DMGDH: variants seen among roughly 807,000 people sequenced by gnomAD.
The protein encoded by DMGDH is dimethylglycine dehydrogenase, mitochondrial.
In DMGDH, 76 loss-of-function variants were observed where a neutral mutation model predicts 95.2. The observed-to-expected ratio is 0.80, with a 90% CI of 0.66 to 0.97. The LOEUF (loss-of-function observed/expected upper bound fraction) is 0.97. Ranked by LOEUF, DMGDH falls within the 50% of genes least tolerant of loss-of-function variation. The pLI, the probability that DMGDH is intolerant of heterozygous loss-of-function variation, is 0.00. For missense variants in DMGDH, 987 were observed against 1,055.0 expected, an observed-to-expected ratio of 0.94 and a Z score of 0.89; for synonymous variants, 345 against 377.6, an observed-to-expected ratio of 0.91 and a Z score of 1.00.
In DMGDH at chr5:79,049,994, C is replaced by T. The variant is rs1283589047; in HGVS notation, c.745+1293G>A. 2.6e-5 allele frequency among the ~76,000 whole-genome samples: 4 copies of T among 151,906 alleles called. No homozygotes were observed. The South Asian group carries it at 6.2e-4, about 24-fold the overall frequency. On this transcript the variant is annotated intron_variant, in intron 5 of 15. Transcript: ENST00000255189. ...TCAATCGGCTGGACGCAGTGGCGCA[C>T]GCCTGTAATCCTAGCACTTTGGGAG...
chr5:79,023,420 G>A (rs543099974), intron 14 of DMGDH, among the ~76,000 whole-genome samples: 1 of 152,326 alleles, frequency 6.6e-6, no homozygotes, highest in Admixed American at 6.5e-5. Flanking sequence ...GGCTTGTACA[G>A]ATGAGCTTGG....
chr5:79,021,716 C>T (rs1753871415), intron 14 of DMGDH: 1 of 1,291,676 alleles, frequency 7.7e-7, no homozygotes, highest in Non-Finnish European at 1.0e-6. Flanking sequence ...ACAGCAAAAA[C>T]ATGTGGGGGA....
intron 14 of DMGDH, among the ~76,000 whole-genome samples, chr5:79,016,163 G>T (rs187466316): frequency 9.2e-5 from 14 of 151,742 alleles, no homozygotes; most frequent in African/African-American, 3.4e-4. Flanking sequence ...GCTTGAACCC[G>T]GGAGGCAGAA....
chr5:79,037,615 G>C (rs2112637439), intron 7 of DMGDH, among the ~76,000 whole-genome samples: 1 of 152,272 alleles, frequency 6.6e-6, no homozygotes, highest in Admixed American at 6.5e-5. Context: ...ATTAGCCAGA[G>C]CAATCAGGGG....
chr5:79,028,545 G>C lies in DMGDH; in HGVS notation c.1920C>G (p.Val640=), dbSNP rs764395535. Residue 640 remains valine (V), a synonymous_variant, in exon 12 of 16, where the codon GTC becomes GTG. Transcript: ENST00000255189. ...LGVAGPQARK[V]LQKLTSEDLS... is the part of the protein sequence containing the mutation. ...GATCTTCAGAGGTCAGTTTCTGAAG[G>C]ACCTTTCTTGCCTGTGGCCCAGCAA... 8.1e-6 allele frequency: 13 copies of C among 1,614,044 alleles called. No homozygotes were observed. The South Asian group carries it at 1.4e-4, about 18-fold the overall frequency.
At chr5:79,048,598 C>T (rs565841005) in intron 5 of DMGDH, among the ~76,000 whole-genome samples, 2 of 152,302 alleles carry the variant, frequency 1.3e-5, no homozygotes, top group East Asian at 3.9e-4. Context: ...ATGATGACTT[C>T]TGCAGATAGT....
intron 14 of DMGDH, chr5:79,021,755 C>A (rs1484610053): frequency 2.0e-5 from 25 of 1,257,484 alleles, no homozygotes; most frequent in Non-Finnish European, 2.1e-5. Context: ...GTAGTCCATA[C>A]AAACAATATA....
intron 14 of DMGDH, among the ~76,000 whole-genome samples, chr5:79,011,476 T>C (rs996846151): frequency 5.9e-5 from 9 of 152,232 alleles, no homozygotes; most frequent in African/African-American, 1.9e-4. Context: ...ATTATTAGTT[T>C]AGCAACTAAA....
At chr5:79,050,248 CAAAAA>C (rs57662602) in intron 5 of DMGDH, among the ~76,000 whole-genome samples, 49 of 78,596 alleles carry the variant, frequency 6.2e-4, no homozygotes, top group Middle Eastern at 7.8e-3. Flanking sequence ...AACTTTGTCT[CAAAAA>C]AAAAAAAAAA....
intron 2 of DMGDH, among the ~76,000 whole-genome samples, chr5:79,063,016 T>C (rs529180452): frequency 6.6e-6 from 1 of 152,104 alleles, no homozygotes; most frequent in East Asian, 1.9e-4. Flanking sequence ...CGCTTGAACC[T>C]GGGAGGCGGA....
chr5:79,010,911 G>A lies in DMGDH; in HGVS notation c.2251-5504C>T, dbSNP rs574529717. On this transcript the variant is annotated intron_variant, in intron 14 of 15. Transcript: ENST00000255189. Reference sequence around the variant, plus strand: ...GTGGAGATGGAAATCCAGATGACAGGCTGTGCCACTATCCTTCAATATTTT... The same window carrying A: ...GTGGAGATGGAAATCCAGATGACAGACTGTGCCACTATCCTTCAATATTTT... Among the ~76,000 whole-genome samples, 45 of 152,240 alleles carry A rather than the reference G, an allele frequency of 3.0e-4. No homozygotes were observed. The South Asian group carries it at 6.8e-3, about 23-fold the overall frequency.
In DMGDH at chr5:79,042,449, C is replaced by T. The variant is rs1052472577; in HGVS notation, c.1027G>A (p.Asp343Asn). The T allele has an allele frequency of 2.5e-6, 4 of 1,614,138 alleles. No homozygotes were observed. Among genetic ancestry groups the T allele is most frequent in the Non-Finnish European group, 2.5e-6 (3 of 1,180,020 alleles). The part of the protein sequence containing the change: ...FGKELFESDL[D>N]RIMEHIKAAM... ...GCTTTGATGTGTTCCATGATTCGAT[C>T]TAGATCAGACTCAAAGAGTTCCTTT... Residue 343 changes from aspartate to asparagine, a missense_variant, in exon 7 of 16, where the codon GAT (aspartate) becomes AAT (asparagine). Physicochemically the swap from Asp to Asn is conservative, Grantham distance 23. Transcript: ENST00000255189.
At chr5:79,005,119 G>A (rs528316033) in intron 15 of DMGDH, among the ~76,000 whole-genome samples, 154 bp downstream of exon 15, 17 of 152,182 alleles carry the variant, frequency 1.1e-4, no homozygotes, top group Admixed American at 2.0e-4. Context: ...AGTCAATTGC[G>A]TTCTGTCTTT....
chr5:79,057,236 T>C (rs16876431), intron 2 of DMGDH, among the ~76,000 whole-genome samples: 10,846 of 152,260 alleles, frequency 0.071, 859 homozygotes, highest in African/African-American at 0.18. Context: ...AGATGTAATG[T>C]GGAATCCAGA....
intron 6 of DMGDH, among the ~76,000 whole-genome samples, chr5:79,042,880 T>C (rs1286675779): frequency 6.6e-6 from 1 of 152,100 alleles, no homozygotes; most frequent in Non-Finnish European, 1.5e-5. Flanking sequence ...GTTTACAAAG[T>C]CATGGCAGAA....
intron 1 of DMGDH, among the ~76,000 whole-genome samples, chr5:79,065,835 T>A (rs1003666684): frequency 6.6e-6 from 1 of 152,170 alleles, no homozygotes; most frequent in Non-Finnish European, 1.5e-5. Context: ...CACTGGGTGA[T>A]AGGAATTTTT....
At chr5:79,021,052 C>CA (rs1753854681) in intron 14 of DMGDH, 1 of 985,470 alleles carries the variant, frequency 1.0e-6, no homozygotes, top group Non-Finnish European at 1.2e-6. Flanking sequence ...TGGAACATAC[C>CA]AAAAATACCA....
In DMGDH at chr5:79,030,922, T is replaced by C. The variant is rs1414589262; in HGVS notation, c.1594A>G (p.Thr532Ala). 1 of 1,614,036 alleles carries C rather than the reference T, an allele frequency of 6.2e-7. No individual in the cohort carries two copies. The highest frequency in any genetic ancestry group is 1.3e-5 in the African/African-American group (1 of 74,920). Residue 532 changes from threonine (T) to alanine (A), a missense_variant, in exon 10 of 16, where the codon ACT (threonine) becomes GCT (alanine). Physicochemically the swap from Thr to Ala is moderately conservative, Grantham distance 58. Transcript: ENST00000255189. ...AACTTGCCAAATGGTGATAGGTCAGTTACCGCTACTCTTTGCATAACCTGT... is the reference window on the plus strand; with the variant it reads ...AACTTGCCAAATGGTGATAGGTCAGCTACCGCTACTCTTTGCATAACCTGT... ...YKQVMQRVAV[T>A]DLSPFGKFNI...
chr5:79,017,516 G>C (rs1378832261), intron 14 of DMGDH, among the ~76,000 whole-genome samples: 1 of 152,164 alleles, frequency 6.6e-6, no homozygotes, highest in Non-Finnish European at 1.5e-5. Flanking sequence ...AAAAGTATTT[G>C]ACAAGGATGT....
Sources: gnomAD v4.1 joint callset for allele counts (sites outside exome capture counted in the v4.1 genomes callset) on GRCh38, gnomAD v4.1.1 for gene constraint, MANE v1.5 for transcripts, NCBI Gene and HGNC (gene_info 2026-07-23, HGNC 2026-07-21) for gene names.